The following ADGRB3 variants were observed in gnomAD, a reference collection of about 807,000 sequenced individuals.
The protein encoded by ADGRB3 is adhesion G protein-coupled receptor B3.
Under a neutral mutation model 193.4 loss-of-function variants are expected in ADGRB3, and 37 were observed. The ratio of observed to expected loss-of-function variants is 0.19; its 90% CI spans 0.15 to 0.25. ADGRB3 has a LOEUF of 0.25. Ranked by LOEUF, ADGRB3 falls within the 10% of genes least tolerant of loss-of-function variation. ADGRB3 has a pLI of 1.00. For missense variants in ADGRB3, 1,637 were observed against 1,852.9 expected, an observed-to-expected ratio of 0.88 and a Z score of 2.14; for synonymous variants, 690 against 644.2, an observed-to-expected ratio of 1.07 and a Z score of -1.08.
At chr6:69,161,479 G>A (rs940978478) in intron 17 of ADGRB3, among the ~76,000 whole-genome samples, 3 of 152,108 alleles carry the variant, frequency 2.0e-5, no homozygotes, top group Non-Finnish European at 4.4e-5. Flanking sequence ...TAGGAGACTT[G>A]TTATAACACT....
At chr6:69,005,420 T>C (rs1014680365) in intron 11 of ADGRB3, among the ~76,000 whole-genome samples, 2 of 152,106 alleles carry the variant, frequency 1.3e-5, no homozygotes, top group Non-Finnish European at 1.5e-5. Context: ...CAAGTTAAAC[T>C]CTCTTACATC....
At chr6:69,179,426 T>G (rs1775521282) in intron 17 of ADGRB3, among the ~76,000 whole-genome samples, 1 of 152,250 alleles carries the variant, frequency 6.6e-6, no homozygotes, top group African/African-American at 2.4e-5. Flanking sequence ...CAACCTTGTC[T>G]TGGATCTCAT....
At chr6:68,759,538 A>AGGGG (rs1766356108) in intron 3 of ADGRB3, among the ~76,000 whole-genome samples, 1 of 152,056 alleles carries the variant, frequency 6.6e-6, no homozygotes, top group Non-Finnish European at 1.5e-5. Flanking sequence ...CTATGTGTGT[A>AGGGG]ACTTTAAGCC....
chr6:68,638,284 T>G lies in ADGRB3; in HGVS notation c.-15-377T>G, dbSNP rs140191069. 1.2e-3 allele frequency among the ~76,000 whole-genome samples: 180 copies of G among 152,338 alleles called. 4 individuals are homozygous for G. In the East Asian group the frequency reaches 0.034, roughly 29 times the overall value. ...AAGGTTGTATAGACTATAGACTGATTAATACTATTTCGACAATTAACATTT... is the reference window on the plus strand; with the variant it reads ...AAGGTTGTATAGACTATAGACTGATGAATACTATTTCGACAATTAACATTT... On this transcript the variant is annotated intron_variant, in intron 2 of 31. Coordinates refer to ENST00000370598, the MANE Select transcript of ADGRB3 (RefSeq NM_001704.3).
intron 3 of ADGRB3, among the ~76,000 whole-genome samples, chr6:68,855,271 A>G (rs1263251847): frequency 6.6e-6 from 1 of 152,200 alleles, no homozygotes; most frequent in African/African-American, 2.4e-5. Context: ...CTGATGTTGA[A>G]TACTTGCAAA....
intron 3 of ADGRB3, among the ~76,000 whole-genome samples, chr6:68,925,912 C>T (rs1429540514): frequency 6.6e-6 from 1 of 151,946 alleles, no homozygotes; most frequent in Non-Finnish European, 1.5e-5. Context: ...AGCTTTGTTT[C>T]AGGACAGTGA....
chr6:69,091,533 A>G (rs1582453754), intron 17 of ADGRB3, among the ~76,000 whole-genome samples: 1 of 152,188 alleles, frequency 6.6e-6, no homozygotes, highest in Admixed American at 6.5e-5. Context: ...GCAAACTAAC[A>G]CAGGAACAGA....
chr6:69,345,870 C>G (rs1259906952), intron 26 of ADGRB3, among the ~76,000 whole-genome samples: 1 of 152,142 alleles, frequency 6.6e-6, no homozygotes, highest in African/African-American at 2.4e-5. Flanking sequence ...AGTCTCAGCC[C>G]CAAACCTTCT....
intron 13 of ADGRB3, among the ~76,000 whole-genome samples, chr6:69,046,112 CTGTT>C (rs1035611420): frequency 4.6e-5 from 7 of 151,996 alleles, no homozygotes; most frequent in African/African-American, 1.7e-4. Flanking sequence ...TTATGCCTTT[CTGTT>C]TGTTTTTTGT....
intron 3 of ADGRB3, among the ~76,000 whole-genome samples, chr6:68,788,907 A>G (rs556662450): frequency 1.3e-5 from 2 of 152,280 alleles, no homozygotes; most frequent in Non-Finnish European, 2.9e-5. Flanking sequence ...ACCATTATGT[A>G]ATGGCCTTCT....
At chr6:69,354,576 C>A (rs1769296880) in intron 27 of ADGRB3, among the ~76,000 whole-genome samples, 1 of 152,088 alleles carries the variant, frequency 6.6e-6, no homozygotes, top group South Asian at 2.1e-4. Context: ...GTATGTTCCT[C>A]CTTGCGTAGA....
Position 69,389,172 on chromosome 6 carries a change from C to T in ADGRB3, c.*281C>T, listed in dbSNP as rs559622004. ...CTCAAGCAACGATTCATGTTGTAAC[C>T]GCTTCATATGGTTTAGTTTTCAAAA... is the stretch of plus-strand genomic sequence containing the variant. On this transcript the variant is annotated 3_prime_UTR_variant, in exon 32 of 32. Coordinates refer to ENST00000370598, the MANE Select transcript of ADGRB3 (RefSeq NM_001704.3). 8.5e-6 allele frequency: 2 copies of T among 235,828 alleles called. No individual in the cohort carries two copies. Among genetic ancestry groups the T allele is most frequent in the East Asian group, 8.6e-5 (1 of 11,670 alleles). 14.6% of individuals were successfully genotyped at this position (235,828 alleles called of 1,614,324 possible).
chr6:69,111,513 C>T (rs979427818), intron 17 of ADGRB3, among the ~76,000 whole-genome samples: 2 of 152,126 alleles, frequency 1.3e-5, no homozygotes, highest in Admixed American at 6.5e-5. Context: ...CTGTCAAGTA[C>T]GGAAGCCTCA....
chr6:68,785,617 A>T (rs1766951140), intron 3 of ADGRB3, among the ~76,000 whole-genome samples: 1 of 152,064 alleles, frequency 6.6e-6, no homozygotes, highest in Middle Eastern at 3.2e-3. Flanking sequence ...CTATAAACAT[A>T]CATATGCATG....
chr6:68,733,884 G>A (rs1765823349), intron 3 of ADGRB3, among the ~76,000 whole-genome samples: 1 of 150,990 alleles, frequency 6.6e-6, no homozygotes, highest in African/African-American at 2.5e-5. Flanking sequence ...TAACTCAAAG[G>A]TTAAATGCTT....
intron 20 of ADGRB3, among the ~76,000 whole-genome samples, chr6:69,247,144 T>C (rs1766515321): frequency 6.6e-6 from 1 of 152,096 alleles, no homozygotes; most frequent in South Asian, 2.1e-4. Flanking sequence ...TTGAGAAATA[T>C]CTTAAATTTA....
At chr6:69,352,321 G>A (rs1769242930) in intron 26 of ADGRB3, among the ~76,000 whole-genome samples, 1 of 152,178 alleles carries the variant, frequency 6.6e-6, no homozygotes, top group Non-Finnish European at 1.5e-5. Flanking sequence ...GGAAAAGCTA[G>A]ATTATTTAGT....
intron 30 of ADGRB3, among the ~76,000 whole-genome samples, chr6:69,375,142 T>G (rs1328026530): frequency 6.6e-6 from 1 of 152,260 alleles, no homozygotes; most frequent in East Asian, 1.9e-4. Flanking sequence ...GGAGGGATTT[T>G]TATTTAATTT....
intron 13 of ADGRB3, among the ~76,000 whole-genome samples, chr6:69,046,926 C>G (rs1771253051): frequency 6.6e-6 from 1 of 152,156 alleles, no homozygotes; most frequent in South Asian, 2.1e-4. Context: ...GGCCTGATCT[C>G]AGCTCACTGC....
Sources: allele counts gnomAD v4.1 joint callset (sites outside exome capture counted in the v4.1 genomes callset), GRCh38; gene constraint gnomAD v4.1.1; transcripts MANE v1.5; gene names NCBI Gene and HGNC (gene_info 2026-07-23, HGNC 2026-07-21).